The following NHSL1 variants were observed in gnomAD, a reference collection of about 807,000 sequenced individuals.
The protein encoded by NHSL1 is NHS-like protein 1.
A neutral mutation model predicts 95.0 loss-of-function variants in NHSL1; 48 were observed. The observed-to-expected ratio is 0.51, with a 90% CI of 0.40 to 0.64. The LOEUF (loss-of-function observed/expected upper bound fraction) is 0.64. NHSL1 is among the 30% of genes least tolerant of loss of function. The pLI, the probability that NHSL1 is intolerant of heterozygous loss-of-function variation, is 0.00. For missense variants in NHSL1, 1,971 were observed against 2,077.7 expected, an observed-to-expected ratio of 0.95 and a Z score of 1.00; for synonymous variants, 783 against 833.9, an observed-to-expected ratio of 0.94 and a Z score of 1.05.
Position 138,496,248 on chromosome 6 carries a change from G to T in NHSL1, c.182C>A (p.Ala61Asp). 2 of 1,550,934 alleles carry T rather than the reference G, an allele frequency of 1.3e-6. No individual in the cohort carries two copies. Among genetic ancestry groups the T allele is most frequent in the Non-Finnish European group, 8.7e-7 (1 of 1,146,774 alleles). ...CAGTACTGATTTGAGGTTGAGCTTG[G>T]CTTGGCGGTGCAGGTCCTCAACACA... ...PPCVEDLHRQ[A>D]KLNLKSVLRE... Residue 61 changes from alanine (A) to aspartate (D), a missense_variant, in exon 2 of 8, where the codon GCC (alanine) becomes GAC (aspartate). By Grantham distance (126) the Ala-to-Asp change is moderately radical (BLOSUM62 -2). This residue lies in a region of NHSL1 where 1,602 missense variants were observed against 1,654.5 expected (regional missense o/e 0.97). Transcript: ENST00000343505.
At chr6:138,617,245 T>C (rs1784592724) in intron 1 of NHSL1, among the ~76,000 whole-genome samples, 1 of 151,788 alleles carries the variant, frequency 6.6e-6, no homozygotes, top group South Asian at 2.1e-4. Flanking sequence ...TAAGGGAAAA[T>C]GTTGGCTAAT....
chr6:138,500,310 G>A (rs189292516), upstream of NHSL1, among the ~76,000 whole-genome samples: 1 of 152,110 alleles, frequency 6.6e-6, no homozygotes, highest in African/African-American at 2.4e-5. Context: ...TTGCCCATTG[G>A]CAATTAACCA....
rs535355898 is a variant in NHSL1, at chr6:138,555,609, G to A, written c.202+16101C>T. On this transcript the variant is annotated intron_variant, in intron 1 of 6. Coordinates refer to the NHSL1 transcript ENST00000427025. Reference sequence around the variant, plus strand: ...AACTGAATGAATTCTGTTCTTGTGCGGAATAAAAGTGACATGAGAAAGCCT... The same window carrying A: ...AACTGAATGAATTCTGTTCTTGTGCAGAATAAAAGTGACATGAGAAAGCCT... 6.6e-5 allele frequency among the ~76,000 whole-genome samples: 10 copies of A among 152,154 alleles called. No individual in the cohort carries two copies. The South Asian group carries it at 8.3e-4, about 13-fold the overall frequency.
At chr6:138,526,699 T>C (rs116099662) in intron 1 of NHSL1, among the ~76,000 whole-genome samples, 32 of 152,356 alleles carry the variant, frequency 2.1e-4, no homozygotes, top group African/African-American at 7.7e-4. Flanking sequence ...TAATTTTTAT[T>C]CTTTTTTATT....
At chr6:138,518,779 A>T (rs1425538496) in intron 1 of NHSL1, among the ~76,000 whole-genome samples, 4 of 152,192 alleles carry the variant, frequency 2.6e-5, no homozygotes, top group Non-Finnish European at 5.9e-5. Flanking sequence ...GCACTTTAGG[A>T]GGCCAAGGCC....
chr6:138,520,326 G>C (rs1442570515), intron 1 of NHSL1, among the ~76,000 whole-genome samples: 1 of 112,980 alleles, frequency 8.9e-6, no homozygotes, highest in South Asian at 2.8e-4. Context: ...GTCCCGCTCT[G>C]TCACCAGGCT....
intron 1 of NHSL1, among the ~76,000 whole-genome samples, chr6:138,515,144 A>C (rs1781406584): frequency 6.6e-6 from 1 of 152,300 alleles, no homozygotes; most frequent in Admixed American, 6.5e-5. Context: ...AACAGCACAC[A>C]ATTCAAAACT....
At chr6:138,445,192 T>G (rs970162193) in intron 4 of NHSL1, among the ~76,000 whole-genome samples, 2 of 152,192 alleles carry the variant, frequency 1.3e-5, no homozygotes, top group Non-Finnish European at 2.9e-5. Context: ...GATAATGCAT[T>G]TCACCTTAAT....
At chr6:138,671,816 C>G (rs75446175) in intron 1 of NHSL1, among the ~76,000 whole-genome samples, 1 of 152,226 alleles carries the variant, frequency 6.6e-6, no homozygotes, top group East Asian at 1.9e-4. Context: ...AAAGGAAAAG[C>G]AATCGTGTTT....
At position 138,433,404 on chromosome 6, in the gene NHSL1, G is replaced by A. The variant is rs1775851624; in HGVS notation, c.941C>T (p.Ser314Phe). ...GAAGCCAGCATCACTGTCAAGGCGG[G>A]AAGGGAATACGATCCCTGCAGAATC... ...LSDSAGIVFP[S>F]RLDSDAGFHS... Residue 314 changes from serine to phenylalanine, a missense_variant, in exon 6 of 8, where the codon TCC (serine) becomes TTC (phenylalanine). This residue lies in a region of NHSL1 where 1,602 missense variants were observed against 1,654.5 expected (regional missense o/e 0.97). Coordinates refer to ENST00000343505, the MANE Select transcript of NHSL1 (RefSeq NM_001144060.2). 6.4e-7 allele frequency: 1 copy of A among 1,552,350 alleles called. No homozygotes were observed. Among genetic ancestry groups the A allele is most frequent in the South Asian group, 1.2e-5 (1 of 84,058 alleles).
intron 1 of NHSL1, among the ~76,000 whole-genome samples, chr6:138,631,223 G>A (rs1308674251): frequency 1.3e-5 from 2 of 152,200 alleles, no homozygotes; most frequent in African/African-American, 4.8e-5. Context: ...TTGAGTTACT[G>A]CAAGCCTCAC....
chr6:138,678,954 C>T (rs953378442), intron 1 of NHSL1, among the ~76,000 whole-genome samples: 2 of 152,208 alleles, frequency 1.3e-5, no homozygotes, highest in African/African-American at 4.8e-5. Flanking sequence ...CTTCATTTCA[C>T]ACCTTCATCG....
chr6:138,645,251 C>T (rs1255170824), intron 1 of NHSL1, among the ~76,000 whole-genome samples: 5 of 152,138 alleles, frequency 3.3e-5, no homozygotes, highest in Non-Finnish European at 7.4e-5. Context: ...CACACTGAAA[C>T]GTCAATGCAT....
At chr6:138,467,181 A>G (rs1412503497) in intron 3 of NHSL1, among the ~76,000 whole-genome samples, 1 of 151,458 alleles carries the variant, frequency 6.6e-6, no homozygotes, top group Non-Finnish European at 1.5e-5. Context: ...TTGAGACGGA[A>G]TCTCGCTGTC....
chr6:138,513,983 T>C (rs562278914), intron 1 of NHSL1, among the ~76,000 whole-genome samples: 1 of 151,622 alleles, frequency 6.6e-6, no homozygotes, highest in African/African-American at 2.4e-5. Flanking sequence ...ATGAATTTAA[T>C]ACAGCAGGAA....
chr6:138,489,951 AAGGAGAGAGGGAGAGG>A lies in NHSL1; in HGVS notation c.211+6252_211+6267del, dbSNP rs1779970054. On this transcript the variant is annotated intron_variant, in intron 2 of 7. Coordinates refer to ENST00000343505, the MANE Select transcript of NHSL1 (RefSeq NM_001144060.2). ...GGGAGACAGGGGGAGAGAGGGAGAGAAGGAGAGAGGGAGAGGGGGAGAGGGGGAGAGGGGGAGAGAG... is the reference window on the plus strand; with the variant it reads ...GGGAGACAGGGGGAGAGAGGGAGAGAGGGAGAGGGGGAGAGGGGGAGAGAG... Among the ~76,000 whole-genome samples the A allele has an allele frequency of 4.2e-5, 2 of 47,862 alleles. 1 individual carries two copies. Among genetic ancestry groups the A allele is most frequent in the African/African-American group, 2.1e-4 (2 of 9,710 alleles). The allele number at this position is 47,862 out of a possible 152,430, so 31.4% of individuals were successfully genotyped here.
chr6:138,432,040 T>G lies in NHSL1; in HGVS notation c.2305A>C (p.Thr769Pro), dbSNP rs555996963. The change falls in exon 6 of 8, where the codon ACA (threonine) becomes CCA (proline). Residue 769 changes from threonine (T) to proline (P), a missense_variant. Coordinates refer to ENST00000343505, the MANE Select transcript of NHSL1 (RefSeq NM_001144060.2). This position sits in a 1 kb window ranked among gnomAD's most constrained non-coding sequence, Gnocchi z 4.4. ...LCGATPSQSDTSSVKSEYTDP... is the reference protein window; with the variant it reads ...LCGATPSQSDPSSVKSEYTDP... ...GTGTACTCTGACTTGACGCTGCTTG[T>G]GTCACTCTGCGATGGCGTGGCCCCG... is the stretch of plus-strand genomic sequence containing the variant. The G allele has an allele frequency of 3.2e-6, 5 of 1,551,748 alleles. No homozygotes were observed. In the East Asian group the frequency reaches 1.2e-4, roughly 38 times the overall value.
chr6:138,646,294 C>G (rs1247500633), intron 1 of NHSL1, among the ~76,000 whole-genome samples: 1 of 152,106 alleles, frequency 6.6e-6, no homozygotes. Context: ...CCCCTAACTC[C>G]AAAGAACCTG....
At chr6:138,534,592 T>C (rs990339691) in intron 1 of NHSL1, among the ~76,000 whole-genome samples, 7 of 152,244 alleles carry the variant, frequency 4.6e-5, no homozygotes, top group Non-Finnish European at 1.0e-4. Flanking sequence ...GTTAGTTCTC[T>C]AACTTCTACA....
Sources: allele counts gnomAD v4.1 joint callset (sites outside exome capture counted in the v4.1 genomes callset), GRCh38; gene constraint gnomAD v4.1.1; regional missense constraint gnomAD v4.1.1; non-coding constraint Gnocchi (gnomAD v3.1); transcripts MANE v1.5; gene names NCBI Gene and HGNC (gene_info 2026-07-23, HGNC 2026-07-21).